EFNA5: variants seen among roughly 807,000 people sequenced by gnomAD.
EFNA5 encodes the protein ephrin A5.
Under a neutral mutation model 22.9 loss-of-function variants are expected in EFNA5, and 5 were observed. The ratio of observed to expected loss-of-function variants is 0.22; its 90% CI spans 0.11 to 0.46. The LOEUF (loss-of-function observed/expected upper bound fraction) is 0.46, where lower values mean the gene tolerates loss of function less well. Ranked by LOEUF, EFNA5 falls within the 20% of genes least tolerant of loss-of-function variation. The pLI is 0.99. For missense variants in EFNA5, 237 were observed against 293.3 expected, an observed-to-expected ratio of 0.81 and a Z score of 1.40; for synonymous variants, 113 against 112.2, an observed-to-expected ratio of 1.01 and a Z score of -0.04.
At chr5:107,445,608 T>G (rs1749368633) in intron 1 of EFNA5, among the ~76,000 whole-genome samples, 1 of 152,142 alleles carries the variant, frequency 6.6e-6, no homozygotes, top group Non-Finnish European at 1.5e-5. Flanking sequence ...ATGCTAGAGT[T>G]GTTCAGGCAG....
rs539801667 is a variant in EFNA5 at position 107,661,253 on chromosome 5, T to A, written c.125+9236A>T. Among the ~76,000 whole-genome samples, 56 of 152,230 alleles carry A rather than the reference T, an allele frequency of 3.7e-4. 1 individual carries two copies. In the South Asian group the frequency reaches 0.011, roughly 31 times the overall value. On this transcript the variant is annotated intron_variant, in intron 1 of 4. Transcript: ENST00000333274. ...ATCCCAACATGTTGAATAAAATTAT[T>A]GGGAGGCAAAGATTTATAGCGACTA...
chr5:107,608,240 T>G (rs1749761402), intron 1 of EFNA5, among the ~76,000 whole-genome samples: 1 of 152,168 alleles, frequency 6.6e-6, no homozygotes, highest in Admixed American at 6.5e-5. Flanking sequence ...CTCAGAATGC[T>G]TGCTTTTCAG....
chr5:107,499,351 C>A (rs929978853), intron 1 of EFNA5, among the ~76,000 whole-genome samples: 1 of 152,210 alleles, frequency 6.6e-6, no homozygotes, highest in Non-Finnish European at 1.5e-5. Context: ...GAGCCTGCAT[C>A]TGCAGCCAAC....
At chr5:107,596,310 G>T (rs1441033543) in intron 1 of EFNA5, among the ~76,000 whole-genome samples, 1 of 151,974 alleles carries the variant, frequency 6.6e-6, no homozygotes, top group Non-Finnish European at 1.5e-5. Flanking sequence ...CCTAATCCCT[G>T]GCAACCATAT....
chr5:107,577,799 G>C (rs909032053), intron 1 of EFNA5, among the ~76,000 whole-genome samples: 1 of 152,146 alleles, frequency 6.6e-6, no homozygotes, highest in Non-Finnish European at 1.5e-5. Context: ...TTAAAGTCAT[G>C]CATGTGGTCA....
chr5:107,390,293 C>A (rs1031263441), intron 2 of EFNA5, among the ~76,000 whole-genome samples: 3 of 152,266 alleles, frequency 2.0e-5, no homozygotes, highest in African/African-American at 7.2e-5. Context: ...TTCTGTCACC[C>A]CACACTTCTT....
chr5:107,410,156 T>C (rs1455685341), intron 2 of EFNA5, among the ~76,000 whole-genome samples: 1 of 151,330 alleles, frequency 6.6e-6, no homozygotes, highest in Non-Finnish European at 1.5e-5. Context: ...GCCTCCCAAG[T>C]AGCTGGGACT....
At chr5:107,465,508 G>A (rs1423650359) in intron 1 of EFNA5, among the ~76,000 whole-genome samples, 1 of 152,112 alleles carries the variant, frequency 6.6e-6, no homozygotes, top group African/African-American at 2.4e-5. Flanking sequence ...GCCTCTTAAA[G>A]CATGAGCCAA....
chr5:107,397,768 A>G (rs758168778), intron 2 of EFNA5, among the ~76,000 whole-genome samples: 1 of 152,146 alleles, frequency 6.6e-6, no homozygotes, highest in East Asian at 1.9e-4. Flanking sequence ...TAGAAGATGA[A>G]ATTTTACCAA....
chr5:107,553,061 C>T (rs984420077), intron 1 of EFNA5, among the ~76,000 whole-genome samples: 2 of 152,124 alleles, frequency 1.3e-5, no homozygotes, highest in Non-Finnish European at 2.9e-5. Context: ...ATATAAATTT[C>T]CCCCAGAGGG....
At chr5:107,581,504 T>C (rs1392403641) in intron 1 of EFNA5, among the ~76,000 whole-genome samples, 1 of 152,224 alleles carries the variant, frequency 6.6e-6, no homozygotes, top group Non-Finnish European at 1.5e-5. Context: ...GCCAGAATTA[T>C]ACTTCAGTTT....
At chr5:107,669,031 C>A (rs2112566086) in intron 1 of EFNA5, among the ~76,000 whole-genome samples, 1 of 152,254 alleles carries the variant, frequency 6.6e-6, no homozygotes, top group South Asian at 2.1e-4. Context: ...GTAAGACTAT[C>A]TTGGACTAGC....
intron 2 of EFNA5, among the ~76,000 whole-genome samples, chr5:107,392,006 A>T (rs1446056421): frequency 6.6e-6 from 1 of 152,242 alleles, no homozygotes; most frequent in Non-Finnish European, 1.5e-5. Flanking sequence ...CCAACTTGGT[A>T]TAGAAAATGA....
chr5:107,501,696 G>A (rs1238817461), intron 1 of EFNA5, among the ~76,000 whole-genome samples: 1 of 151,914 alleles, frequency 6.6e-6, no homozygotes, highest in Admixed American at 6.6e-5. Flanking sequence ...ACATACTATC[G>A]GCTACATTTC....
At chr5:107,505,159 T>G (rs1398552648) in intron 1 of EFNA5, among the ~76,000 whole-genome samples, 1 of 152,156 alleles carries the variant, frequency 6.6e-6, no homozygotes, top group Non-Finnish European at 1.5e-5. Flanking sequence ...TGTTATATGT[T>G]AAGTAAAAAT....
chr5:107,543,497 C>A (rs1748088186), intron 1 of EFNA5, among the ~76,000 whole-genome samples: 1 of 152,154 alleles, frequency 6.6e-6, no homozygotes, highest in Non-Finnish European at 1.5e-5. Context: ...TTGGCAAGGG[C>A]AAATAACTTA....
At chr5:107,405,122 G>A (rs534317336) in intron 2 of EFNA5, among the ~76,000 whole-genome samples, 5 of 152,152 alleles carry the variant, frequency 3.3e-5, no homozygotes, top group South Asian at 2.1e-4. Flanking sequence ...TGGAAGAACC[G>A]GCAGCGATAC....
intron 2 of EFNA5, among the ~76,000 whole-genome samples, chr5:107,426,469 T>G (rs753753197): frequency 5.3e-5 from 8 of 152,198 alleles, no homozygotes; most frequent in Non-Finnish European, 1.0e-4. Context: ...GATAACACTA[T>G]GCACGGTGAA....
chr5:107,669,272 C>A (rs1176573603), intron 1 of EFNA5, among the ~76,000 whole-genome samples: 1 of 151,776 alleles, frequency 6.6e-6, no homozygotes, highest in Non-Finnish European at 1.5e-5. Flanking sequence ...CTTAGGCTAA[C>A]CCCTCGGCCT....
Sources: allele counts gnomAD v4.1 joint callset (sites outside exome capture counted in the v4.1 genomes callset), GRCh38; gene constraint gnomAD v4.1.1; transcripts MANE v1.5; gene names NCBI Gene and HGNC (gene_info 2026-07-23, HGNC 2026-07-21).